EPB41L1: variants seen among roughly 807,000 people sequenced by gnomAD.
The protein encoded by EPB41L1 is band 4.1-like protein 1.
A neutral mutation model predicts 97.8 loss-of-function variants in EPB41L1; 29 were observed. That is an observed-to-expected ratio of 0.30 (90% confidence interval 0.22 to 0.40). The LOEUF is 0.40. Among genes scored for constraint, EPB41L1 ranks in the 10% least tolerant of loss-of-function variants. EPB41L1 has a pLI of 1.00. For missense variants in EPB41L1, 812 were observed against 1,162.3 expected (o/e 0.70, Z 4.38); for synonymous variants, 383 against 459.2 (o/e 0.83, Z 2.12).
intron 1 of EPB41L1, among the ~76,000 whole-genome samples, chr20:36,164,377 AAG>A (rs1252046255): frequency 6.6e-6 from 1 of 152,210 alleles, no homozygotes; most frequent in African/African-American, 2.4e-5. Context: ...CATTCAAAAC[AAG>A]AGACTTTTTT....
chr20:36,148,599 G>A (rs1043496181), intron 2 of EPB41L1: 5 of 152,282 alleles, frequency 3.3e-5, no homozygotes, highest in Non-Finnish European at 5.9e-5. Flanking sequence ...AGGAGCCACT[G>A]AAGCTTCTTC....
Position 36,162,988 on chromosome 20 carries a change from C to T in EPB41L1, c.-15+8092C>T, listed in dbSNP as rs188247988. On this transcript the variant is annotated intron_variant, in intron 1 of 21. Coordinates refer to ENST00000338074, the MANE Select transcript of EPB41L1 (RefSeq NM_012156.2). ...AGAGGCAGCTCTCTCAGCCTGTACC[C>T]TCCATCCTTTCATTCACGTCCATGT... Among the ~76,000 whole-genome samples, 21 of 152,346 alleles carry T rather than the reference C, an allele frequency of 1.4e-4. No individual in the cohort carries two copies. In the East Asian group the frequency reaches 1.5e-3, roughly 11 times the overall value.
chr20:36,128,086 A>C (rs969300646), intron 2 of EPB41L1, among the ~76,000 whole-genome samples: 4 of 152,110 alleles, frequency 2.6e-5, no homozygotes, highest in African/African-American at 9.7e-5. Flanking sequence ...GGGCAGCTGG[A>C]AGAGCCCTGG....
intron 2 of EPB41L1, among the ~76,000 whole-genome samples, chr20:36,140,406 A>G (rs900569300): frequency 3.3e-5 from 5 of 152,114 alleles, no homozygotes; most frequent in African/African-American, 9.7e-5. Context: ...TGGTAGTCAA[A>G]GTATACACTT....
intron 5 of EPB41L1, among the ~76,000 whole-genome samples, chr20:36,181,108 A>C (rs1249888191): frequency 6.6e-6 from 1 of 152,228 alleles, no homozygotes; most frequent in East Asian, 1.9e-4. Flanking sequence ...TGTATGGTGC[A>C]GATGGTGGTT....
intron 1 of EPB41L1, among the ~76,000 whole-genome samples, chr20:36,108,789 G>A (rs1210325880): frequency 6.6e-6 from 1 of 152,180 alleles, no homozygotes; most frequent in Non-Finnish European, 1.5e-5. Context: ...GGGCACATTT[G>A]ATTAATAACA....
intron 2 of EPB41L1, among the ~76,000 whole-genome samples, chr20:36,137,427 C>T (rs984468696): frequency 2.0e-5 from 3 of 151,942 alleles, no homozygotes; most frequent in Admixed American, 2.0e-4. Flanking sequence ...CACTATGTTG[C>T]CCAGGCTGGT....
Position 36,154,907 on chromosome 20 carries a change from G to T in EPB41L1, c.-15+11G>T. ...GAACCCCGGGCCCAGGTAGGCACAT[G>T]GGGGAATCAGGTGGCTCTCGGGGCC... On this transcript the variant is annotated intron_variant, in intron 1 of 21. Coordinates refer to ENST00000338074, the MANE Select transcript of EPB41L1 (RefSeq NM_012156.2). The surrounding 1 kb of genome is among the most constrained non-coding windows in gnomAD (Gnocchi z 5.5). 9.1e-7 allele frequency: 1 copy of T among 1,096,556 alleles called. No homozygotes were observed. Among genetic ancestry groups the T allele is most frequent in the Non-Finnish European group, 1.1e-6 (1 of 893,256 alleles). 67.9% of individuals were successfully genotyped at this position (1,096,556 alleles called of 1,614,324 possible).
rs376824456 is a variant in EPB41L1, at chr20:36,178,189, G to T, written c.447+133G>T. On this transcript the variant is annotated intron_variant, in intron 4 of 21. Coordinates refer to ENST00000338074, the MANE Select transcript of EPB41L1 (RefSeq NM_012156.2). Reference sequence around the variant, plus strand: ...TTTGCGTGTCCCCAAGGCTCAACCAGCCCTATCCACCTGCGGTTCCCTGTC... The same window carrying T: ...TTTGCGTGTCCCCAAGGCTCAACCATCCCTATCCACCTGCGGTTCCCTGTC... 7 of 743,674 alleles carry T rather than the reference G, an allele frequency of 9.4e-6. No homozygotes were observed. In the African/African-American group the frequency reaches 1.0e-4, roughly 11 times the overall value. 46.1% of individuals were successfully genotyped at this position (743,674 alleles called of 1,614,324 possible). A position where few individuals can be genotyped will look rare whatever the true frequency, so the allele number is the denominator to read the frequency against.
In EPB41L1 at chr20:36,212,330, C is replaced by T. The variant is rs748237712; in HGVS notation, c.2138C>T (p.Pro713Leu). ...SSLAIRKKIEPEAVLQTRVSA... is the reference protein window; with the variant it reads ...SSLAIRKKIELEAVLQTRVSA... Reference sequence around the variant, plus strand: ...CTGGCCATTAGAAAGAAGATTGAGCCGGAGGCCGTACTGCAGACCAGAGTC... The same window carrying T: ...CTGGCCATTAGAAAGAAGATTGAGCTGGAGGCCGTACTGCAGACCAGAGTC... The change falls in exon 16 of 22, where the codon CCG (proline) becomes CTG (leucine). Residue 713 changes from proline to leucine, a missense_variant. Pro to Leu is a moderately conservative substitution (Grantham distance 98). Transcript: ENST00000338074. The surrounding 1 kb of genome is among the most constrained non-coding windows in gnomAD (Gnocchi z 4.8). The T allele has an allele frequency of 1.7e-5, 28 of 1,614,036 alleles. No individual in the cohort carries two copies. The highest frequency in any genetic ancestry group is 4.0e-5 in the African/African-American group (3 of 74,906).
intron 1 of EPB41L1, among the ~76,000 whole-genome samples, chr20:36,103,704 C>CTTT (rs398038437): frequency 2.4e-4 from 33 of 135,754 alleles, no homozygotes; most frequent in African/African-American, 3.3e-4. Context: ...CTTTTTCTTT[C>CTTT]TTTTTTTTTT....
intron 21 of EPB41L1, among the ~76,000 whole-genome samples, chr20:36,225,635 G>C (rs2064097287): frequency 6.6e-6 from 1 of 152,190 alleles, no homozygotes. Flanking sequence ...GCAAAATGAA[G>C]AGGTGGAGCG....
upstream of EPB41L1, chr20:36,149,946 C>T (rs1190411114): frequency 1.3e-5 from 2 of 152,164 alleles, no homozygotes; most frequent in Non-Finnish European, 2.9e-5. Flanking sequence ...GTGAGCCACA[C>T]GTGCAAGCCA....
Position 36,093,138 on chromosome 20 carries a change from T to G in EPB41L1, c.-65+1526T>G, listed in dbSNP as rs1173005958. Among the ~76,000 whole-genome samples the G allele has an allele frequency of 2.7e-5, 4 of 150,112 alleles. No homozygotes were observed. Among genetic ancestry groups the G allele is most frequent in the Non-Finnish European group, 5.9e-5 (4 of 67,516 alleles). ...GCATCTGTGTGTGCGTGTGTGAGGG[T>G]GTGTGCCTTGCGTGTCTTCGCGAGT... On this transcript the variant is annotated intron_variant, in intron 1 of 19. Transcript: ENST00000202028. This position sits in a 1 kb window ranked among gnomAD's most constrained non-coding sequence, Gnocchi z 5.4.
chr20:36,124,782 A>C (rs2058895260), intron 2 of EPB41L1, among the ~76,000 whole-genome samples: 1 of 152,192 alleles, frequency 6.6e-6, no homozygotes, highest in Non-Finnish European at 1.5e-5. Flanking sequence ...TGAATGAATG[A>C]ATGAATTGTA....
chr20:36,207,695 C>G lies in EPB41L1; in HGVS notation c.1669-1793C>G. On this transcript the variant is annotated intron_variant, in intron 14 of 21. Coordinates refer to ENST00000338074, the MANE Select transcript of EPB41L1 (RefSeq NM_012156.2). This position sits in a 1 kb window ranked among gnomAD's most constrained non-coding sequence, Gnocchi z 4.9. ...CACTTCAGGGAGGACACTTCTGCAT[C>G]CTACCAGGAAGCACACACGGAACTA... The G allele has an allele frequency of 4.7e-6, 6 of 1,290,122 alleles. No individual in the cohort carries two copies. The highest frequency in any genetic ancestry group is 6.1e-6 in the Non-Finnish European group (6 of 988,936). 79.9% of individuals were successfully genotyped at this position (1,290,122 alleles called of 1,614,324 possible).
intron 1 of EPB41L1, chr20:36,155,480 T>C (rs1374531519): frequency 7.2e-6 from 3 of 415,466 alleles, no homozygotes; most frequent in Non-Finnish European, 1.4e-5. Flanking sequence ...GGAGAGGGCT[T>C]GTGTGTCCCA....
chr20:36,105,779 A>G (rs528376688), intron 1 of EPB41L1, among the ~76,000 whole-genome samples: 7 of 152,150 alleles, frequency 4.6e-5, no homozygotes, highest in Non-Finnish European at 1.0e-4. Flanking sequence ...AAAACCAGTC[A>G]GAGTTAATTG....
At chr20:36,180,044 T>G (rs988042727) in intron 5 of EPB41L1, among the ~76,000 whole-genome samples, 29 of 152,240 alleles carry the variant, frequency 1.9e-4, no homozygotes, top group Admixed American at 1.6e-3. Context: ...AATGGTCAGG[T>G]CTCAGCATCC....
Sources: allele counts gnomAD v4.1 joint callset (sites outside exome capture counted in the v4.1 genomes callset), GRCh38; gene constraint gnomAD v4.1.1; non-coding constraint Gnocchi (gnomAD v3.1); transcripts MANE v1.5; gene names NCBI Gene and HGNC (gene_info 2026-07-23, HGNC 2026-07-21).